Variants in CEP112 observed in about 807,000 individuals in gnomAD.
CEP112 encodes the protein centrosomal protein of 112 kDa.
Under a neutral mutation model 153.0 loss-of-function variants are expected in CEP112, and 127 were observed. The ratio of observed to expected loss-of-function variants is 0.83; its 90% CI spans 0.72 to 0.96. The LOEUF is 0.96. CEP112 is among the 40% of genes least tolerant of loss of function. The probability of loss-of-function intolerance (pLI) is 0.00; values close to 1 mark genes in which losing one functional copy is unlikely to be tolerated. For synonymous variants in CEP112, 358 were observed against 374.4 expected (o/e 0.96, Z 0.51); for missense variants, 1,089 against 1,101.2 (o/e 0.99, Z 0.16).
chr17:65,875,531 T>A (rs2058798761), intron 20 of CEP112, among the ~76,000 whole-genome samples: 1 of 152,150 alleles, frequency 6.6e-6, no homozygotes, highest in South Asian at 2.1e-4. Flanking sequence ...ATCCATTGAT[T>A]TTCTGCTATA....
At chr17:65,925,090 G>A (rs963797744) in intron 19 of CEP112, among the ~76,000 whole-genome samples, 1 of 152,128 alleles carries the variant, frequency 6.6e-6, no homozygotes, top group Non-Finnish European at 1.5e-5. Context: ...TAATCCCCAC[G>A]TGTGAAGGGC....
chr17:66,135,144 T>C (rs1473654041), intron 4 of CEP112, among the ~76,000 whole-genome samples: 2 of 152,204 alleles, frequency 1.3e-5, no homozygotes, highest in African/African-American at 4.8e-5. Context: ...CTTACTATGT[T>C]ACCCCTAATA....
intron 21 of CEP112, among the ~76,000 whole-genome samples, chr17:65,819,952 T>C (rs1026721934): frequency 1.3e-5 from 2 of 152,092 alleles, no homozygotes; most frequent in Non-Finnish European, 2.9e-5. Flanking sequence ...AGTTATTTAA[T>C]AGATTGTGCC....
chr17:65,851,968 G>A lies in CEP112; in HGVS notation c.2230C>T (p.Arg744Trp), dbSNP rs377414265. The A allele has an allele frequency of 1.7e-5, 27 of 1,613,970 alleles. No homozygotes were observed. The highest frequency in any genetic ancestry group is 3.3e-4 in the Middle Eastern group (2 of 6,060). Residue 744 changes from arginine to tryptophan, a missense_variant, in exon 21 of 27, where the codon CGG becomes TGG. By Grantham distance (101) the Arg-to-Trp change is moderately radical (BLOSUM62 -3). Coordinates refer to ENST00000535342, the MANE Select transcript of CEP112 (RefSeq NM_001199165.4). ...REELINVNSQ[R>W]KQQLVELGLL... ...CCAAGCTCTACCAGCTGCTGTTTCC[G>A]CTGTGAGTTCACATTGATCAATTCT...
At chr17:66,082,774 A>C (rs1000614324) in intron 8 of CEP112, among the ~76,000 whole-genome samples, 15 of 151,910 alleles carry the variant, frequency 9.9e-5, no homozygotes, top group African/African-American at 3.1e-4. Flanking sequence ...AAAAAAAAAA[A>C]AAATTTTTAT....
chr17:65,754,303 C>G (rs1181528744), intron 21 of CEP112, among the ~76,000 whole-genome samples: 2 of 152,170 alleles, frequency 1.3e-5, no homozygotes. Context: ...GAGGCATGCA[C>G]AGCATGTTCA....
intron 17 of CEP112, among the ~76,000 whole-genome samples, chr17:65,982,201 T>G (rs939502338): frequency 5.9e-5 from 9 of 152,220 alleles, no homozygotes; most frequent in African/African-American, 1.7e-4. Context: ...TTATCCTTTG[T>G]GTTACAAACA....
intron 4 of CEP112, among the ~76,000 whole-genome samples, chr17:66,134,097 C>G (rs182794045): frequency 1.3e-3 from 197 of 152,118 alleles, no homozygotes; most frequent in African/African-American, 4.6e-3. Flanking sequence ...ATATGTCATA[C>G]TAAGCAGTGG....
intron 13 of CEP112, 47 bp downstream of exon 13, chr17:66,029,822 C>T (rs780884634): frequency 2.0e-6 from 3 of 1,535,718 alleles, no homozygotes; most frequent in Non-Finnish European, 2.7e-6. Context: ...CAGTTAATAT[C>T]AGTACTTTAT....
chr17:65,818,303 CT>C (rs1568061358), intron 21 of CEP112, among the ~76,000 whole-genome samples: 1 of 151,856 alleles, frequency 6.6e-6, no homozygotes, highest in Non-Finnish European at 1.5e-5. Context: ...TTTTTAAAAA[CT>C]TTTTGTTAAA....
intron 4 of CEP112, among the ~76,000 whole-genome samples, chr17:66,148,443 TG>T (rs1380451606): frequency 6.6e-6 from 1 of 152,236 alleles, no homozygotes; most frequent in Non-Finnish European, 1.5e-5. Flanking sequence ...TAGATTATCT[TG>T]GGTAGTATTA....
intron 23 of CEP112, among the ~76,000 whole-genome samples, chr17:65,699,300 A>G (rs1312452743): frequency 6.6e-6 from 1 of 152,206 alleles, no homozygotes; most frequent in Non-Finnish European, 1.5e-5. Flanking sequence ...CTCTATAAAG[A>G]GCAAGTTGCC....
chr17:66,008,831 G>T (rs1242247329), intron 16 of CEP112, among the ~76,000 whole-genome samples: 1 of 151,342 alleles, frequency 6.6e-6, no homozygotes, highest in African/African-American at 2.4e-5. Flanking sequence ...CAAATGACAG[G>T]ATTTTCTTTT....
chr17:65,676,041 T>A (rs2047218002), intron 24 of CEP112, among the ~76,000 whole-genome samples: 1 of 152,186 alleles, frequency 6.6e-6, no homozygotes, highest in Admixed American at 6.5e-5. Flanking sequence ...ATGCAATTTT[T>A]AAAAATGCCA....
At chr17:66,125,535 G>C (rs1395558335) in intron 6 of CEP112, among the ~76,000 whole-genome samples, 1 of 151,666 alleles carries the variant, frequency 6.6e-6, no homozygotes, top group Admixed American at 6.6e-5. Context: ...GAAAAAATAA[G>C]AAAATGGGCA....
chr17:65,960,159 A>G (rs1336075662), intron 18 of CEP112, among the ~76,000 whole-genome samples: 2 of 152,166 alleles, frequency 1.3e-5, no homozygotes, highest in Non-Finnish European at 2.9e-5. Context: ...TATAATCAGG[A>G]AAAACTGAAA....
At chr17:65,802,080 G>A (rs938124963) in intron 21 of CEP112, among the ~76,000 whole-genome samples, 1 of 152,184 alleles carries the variant, frequency 6.6e-6, no homozygotes, top group Non-Finnish European at 1.5e-5. Context: ...CTGAACAAAT[G>A]CTGTAAAGTC....
At chr17:66,013,276 T>A (rs1683568135) in intron 16 of CEP112, among the ~76,000 whole-genome samples, 1 of 152,228 alleles carries the variant, frequency 6.6e-6, no homozygotes, top group African/African-American at 2.4e-5. Context: ...TGTCTGTAGG[T>A]AAGAAGACAC....
Position 65,973,711 on chromosome 17 carries a change from C to T in CEP112, c.1737-12113G>A, listed in dbSNP as rs536342233. On this transcript the variant is annotated intron_variant, in intron 17 of 26. Coordinates refer to ENST00000535342, the MANE Select transcript of CEP112 (RefSeq NM_001199165.4). ...TATAAGGACAGGAAATCAGTGGTTGCCTGGATATGGGGAGGTGGAAAGGGG... is the reference window on the plus strand; with the variant it reads ...TATAAGGACAGGAAATCAGTGGTTGTCTGGATATGGGGAGGTGGAAAGGGG... 1.3e-4 allele frequency among the ~76,000 whole-genome samples: 20 copies of T among 152,042 alleles called. No homozygotes were observed. In the South Asian group the frequency reaches 1.5e-3, roughly 11 times the overall value.
Sources: allele counts gnomAD v4.1 joint callset (sites outside exome capture counted in the v4.1 genomes callset), GRCh38; gene constraint gnomAD v4.1.1; transcripts MANE v1.5; gene names NCBI Gene and HGNC (gene_info 2026-07-23, HGNC 2026-07-21).